Variants in MANBAL observed in about 807,000 individuals in gnomAD.
MANBAL encodes mannosidase beta like, also known as protein MANBAL.
Under a neutral mutation model 6.4 loss-of-function variants are expected in MANBAL, and 1 was observed. The observed-to-expected ratio is 0.16, with a 90% CI of 0.06 to 0.74. MANBAL has a LOEUF of 0.74. Among genes scored for constraint, MANBAL ranks in the 30% least tolerant of loss-of-function variants. The probability of loss-of-function intolerance (pLI) is 0.78; values close to 1 mark genes in which losing one functional copy is unlikely to be tolerated. For missense variants in MANBAL, 100 were observed against 107.8 expected (o/e 0.93, Z 0.32); for synonymous variants, 47 against 45.8 (o/e 1.03, Z -0.10).
intron 2 of MANBAL, among the ~76,000 whole-genome samples, chr20:37,312,619 A>C (rs994890004): frequency 2.6e-5 from 4 of 152,180 alleles, no homozygotes; most frequent in Admixed American, 2.6e-4. Context: ...ATAAACAATA[A>C]ATAATTAGCA....
chr20:37,316,642 A>C lies in MANBAL; in HGVS notation c.*227A>C. 1 of 432,570 alleles carries C rather than the reference A, an allele frequency of 2.3e-6. No individual in the cohort carries two copies. The highest frequency in any genetic ancestry group is 2.6e-5 in the South Asian group (1 of 38,746). 26.8% of individuals were successfully genotyped at this position (432,570 alleles called of 1,614,324 possible). On this transcript the variant is annotated 3_prime_UTR_variant, in exon 3 of 3. Coordinates refer to ENST00000373606, the MANE Select transcript of MANBAL (RefSeq NM_001003897.2). ...TGACGGTTTAGAGTCAAGGGGGCTGAAACACACTGTGAGCATAGACTGTAT... is the reference window on the plus strand; with the variant it reads ...TGACGGTTTAGAGTCAAGGGGGCTGCAACACACTGTGAGCATAGACTGTAT...
intron 2 of MANBAL, among the ~76,000 whole-genome samples, chr20:37,308,814 T>G (rs1031363850): frequency 5.3e-5 from 8 of 152,144 alleles, no homozygotes; most frequent in African/African-American, 1.9e-4. Flanking sequence ...GTGTAGACTT[T>G]GAGTTCAGCA....
In MANBAL at chr20:37,305,696, T is replaced by A. The variant is rs560586119; in HGVS notation, c.150+4283T>A. Among the ~76,000 whole-genome samples, 15 of 151,238 alleles carry A rather than the reference T, an allele frequency of 9.9e-5. No individual in the cohort carries two copies. The East Asian group carries it at 1.9e-3, about 19-fold the overall frequency. ...TGTTTTAACTTTTTTTTTTTTTTTTTAGCTTTTCAATGGATCAGTAGCAAA... is the reference window on the plus strand; with the variant it reads ...TGTTTTAACTTTTTTTTTTTTTTTTAAGCTTTTCAATGGATCAGTAGCAAA... On this transcript the variant is annotated intron_variant, in intron 2 of 2. Transcript: ENST00000373606.
At chr20:37,302,214 T>G in intron 2 of MANBAL, 1 of 1,549,586 alleles carries the variant, frequency 6.5e-7, no homozygotes, top group Non-Finnish European at 8.7e-7. Context: ...ATCCCAGGAA[T>G]TGGCTATTGC....
chr20:37,302,358 C>G, intron 2 of MANBAL: 2 of 1,549,538 alleles, frequency 1.3e-6, no homozygotes, highest in Non-Finnish European at 1.7e-6. Context: ...TATGTACTCC[C>G]TACTGTGTGG....
intron 1 of MANBAL, among the ~76,000 whole-genome samples, chr20:37,300,274 T>C (rs1307188353): frequency 1.3e-5 from 2 of 152,198 alleles, no homozygotes; most frequent in African/African-American, 4.8e-5. Context: ...TTCCCCACCC[T>C]GGGGCCTCCA....
intron 2 of MANBAL, among the ~76,000 whole-genome samples, chr20:37,303,529 T>C (rs765336299): frequency 6.6e-6 from 1 of 152,192 alleles, no homozygotes; most frequent in African/African-American, 2.4e-5. Flanking sequence ...TTGTTCTCAA[T>C]AACATTAACA....
chr20:37,301,480 G>T (rs1199961355), intron 2 of MANBAL, 67 bp downstream of exon 2: 2 of 1,530,176 alleles, frequency 1.3e-6, no homozygotes, highest in Non-Finnish European at 1.8e-6. Flanking sequence ...CTAACAGTAG[G>T]TGCCACCACA....
At chr20:37,300,251 G>A (rs765201146) in intron 1 of MANBAL, among the ~76,000 whole-genome samples, 2 of 152,092 alleles carry the variant, frequency 1.3e-5, no homozygotes, top group African/African-American at 2.4e-5. Context: ...TTCTCTGCCT[G>A]TACTGGCCTC....
chr20:37,311,376 G>C (rs1463623682), intron 2 of MANBAL, among the ~76,000 whole-genome samples: 1 of 152,218 alleles, frequency 6.6e-6, no homozygotes, highest in African/African-American at 2.4e-5. Flanking sequence ...GCCCCTGCTG[G>C]GTGTCTTGGA....
At chr20:37,292,203 A>G (rs538930103) in intron 1 of MANBAL, among the ~76,000 whole-genome samples, 1 of 152,334 alleles carries the variant, frequency 6.6e-6, no homozygotes, top group African/African-American at 2.4e-5. Flanking sequence ...GCTTAAAGGC[A>G]GAGTATATAA....
At chr20:37,302,171 G>A (rs1001797435) in intron 2 of MANBAL, 72 of 1,479,350 alleles carry the variant, frequency 4.9e-5, no homozygotes, top group Non-Finnish European at 6.4e-5. Flanking sequence ...ATTTATTGGA[G>A]AAAGCAGGTC....
At chr20:37,303,908 A>G (rs1251543457) in intron 2 of MANBAL, among the ~76,000 whole-genome samples, 2 of 152,198 alleles carry the variant, frequency 1.3e-5, no homozygotes, top group African/African-American at 4.8e-5. Flanking sequence ...TTGTTTACAC[A>G]GTATAGGCGT....
intron 2 of MANBAL, among the ~76,000 whole-genome samples, chr20:37,307,336 T>C (rs2069281545): frequency 6.6e-6 from 1 of 152,326 alleles, no homozygotes; most frequent in Non-Finnish European, 1.5e-5. Context: ...TTAGATAATT[T>C]CCCTCAAACA....
intron 2 of MANBAL, among the ~76,000 whole-genome samples, chr20:37,307,261 C>A (rs751332808): frequency 6.6e-6 from 1 of 152,122 alleles, no homozygotes; most frequent in Admixed American, 6.5e-5. Context: ...CCAGTGTGCC[C>A]GGCTTGGATC....
intron 1 of MANBAL, among the ~76,000 whole-genome samples, chr20:37,290,135 AGGT>A (rs2068832549): frequency 6.6e-6 from 1 of 152,220 alleles, no homozygotes; most frequent in Non-Finnish European, 1.5e-5. Flanking sequence ...GGGTAAACCG[AGGT>A]GGTGAATGTA....
chr20:37,299,946 G>A (rs1011072240), intron 1 of MANBAL, among the ~76,000 whole-genome samples: 1 of 152,130 alleles, frequency 6.6e-6, no homozygotes, highest in Non-Finnish European at 1.5e-5. Flanking sequence ...AGGAGAGGCT[G>A]GAGAGCTGGG....
chr20:37,302,039 G>A (rs2146806316), intron 2 of MANBAL, among the ~76,000 whole-genome samples: 1 of 152,360 alleles, frequency 6.6e-6, no homozygotes, highest in Admixed American at 6.5e-5. Context: ...TTAAGTGTGA[G>A]AATGACATGG....
chr20:37,302,225 T>C lies in MANBAL; in HGVS notation c.150+812T>C. On this transcript the variant is annotated intron_variant, in intron 2 of 2. Transcript: ENST00000373606. ...CTACATCCCAGGAATTGGCTATTGC[T>C]TCTCTGTGGTGTCATTTAACGTGTT... 3 of 1,550,306 alleles carry C rather than the reference T, an allele frequency of 1.9e-6. No homozygotes were observed. In the South Asian group the frequency reaches 3.6e-5, roughly 18 times the overall value.
Sources: allele counts gnomAD v4.1 joint callset (sites outside exome capture counted in the v4.1 genomes callset), GRCh38; gene constraint gnomAD v4.1.1; transcripts MANE v1.5; gene names NCBI Gene and HGNC (gene_info 2026-07-23, HGNC 2026-07-21).